GMDS: variants seen among roughly 807,000 people sequenced by gnomAD.
The protein encoded by GMDS is GDP-mannose 4,6 dehydratase.
In GMDS, 20 loss-of-function variants were observed where a neutral mutation model predicts 49.9. That is an observed-to-expected ratio of 0.40 (90% CI 0.28 to 0.58). GMDS has a LOEUF of 0.58. Ranked by LOEUF, GMDS falls within the 20% of genes least tolerant of loss-of-function variation. The probability of loss-of-function intolerance (pLI) is 0.42; values close to 1 mark genes in which losing one functional copy is unlikely to be tolerated. For missense variants in GMDS, 362 were observed against 481.4 expected (o/e 0.75, Z 2.32); for synonymous variants, 177 against 178.6 (o/e 0.99, Z 0.07).
At chr6:2,223,742 G>A (rs926773708) in intron 1 of GMDS, among the ~76,000 whole-genome samples, 5 of 152,184 alleles carry the variant, frequency 3.3e-5, no homozygotes, top group African/African-American at 7.2e-5. Context: ...AGAGATGATA[G>A]AAGGGAGGGA....
intron 7 of GMDS, among the ~76,000 whole-genome samples, chr6:1,921,528 G>A (rs1446195856): frequency 6.6e-6 from 1 of 152,110 alleles, no homozygotes; most frequent in Non-Finnish European, 1.5e-5. Flanking sequence ...AAAGTTTACT[G>A]CACAGGATGA....
intron 9 of GMDS, among the ~76,000 whole-genome samples, chr6:1,709,859 A>G (rs898520831): frequency 6.6e-6 from 1 of 152,248 alleles, no homozygotes; most frequent in African/African-American, 2.4e-5. Flanking sequence ...CTCAACAAAT[A>G]CAGTCCTTTG....
chr6:2,215,635 G>A (rs886425814), intron 1 of GMDS, among the ~76,000 whole-genome samples: 1 of 151,912 alleles, frequency 6.6e-6, no homozygotes, highest in African/African-American at 2.4e-5. Flanking sequence ...TAGAGAGGGA[G>A]AAGAGAGAAA....
At position 1,778,987 on chromosome 6, in the gene GMDS, G is replaced by A. The variant is rs896076168; in HGVS notation, c.772-36401C>T. ...CCCATCATCTCGCAGTGCTGGCGTG[G>A]CCTCCCATGCTGATCCCTGGACCAG... On this transcript the variant is annotated intron_variant, in intron 7 of 10. Transcript: ENST00000380815. This position sits in a 1 kb window ranked among gnomAD's most constrained non-coding sequence, Gnocchi z 4.6. 1.3e-5 allele frequency among the ~76,000 whole-genome samples: 2 copies of A among 152,142 alleles called. No individual in the cohort carries two copies. The highest frequency in any genetic ancestry group is 1.9e-4 in the East Asian group (1 of 5,200).
At chr6:2,025,809 A>C (rs149277195) in intron 4 of GMDS, among the ~76,000 whole-genome samples, 31 of 152,290 alleles carry the variant, frequency 2.0e-4, no homozygotes, top group African/African-American at 7.5e-4. Flanking sequence ...AAAGAGGGCA[A>C]GTTCTTTCTT....
intron 1 of GMDS, among the ~76,000 whole-genome samples, chr6:2,163,415 G>C (rs1022253832): frequency 2.1e-5 from 3 of 145,494 alleles, no homozygotes; most frequent in African/African-American, 8.3e-5. Flanking sequence ...ACATGTGTGT[G>C]TCTATGTGTG....
intron 4 of GMDS, among the ~76,000 whole-genome samples, chr6:1,994,987 T>C (rs1766187686): frequency 1.3e-5 from 2 of 152,162 alleles, no homozygotes; most frequent in African/African-American, 4.8e-5. Context: ...ATAAAGCATG[T>C]ATGATTGGAT....
intron 1 of GMDS, among the ~76,000 whole-genome samples, chr6:2,242,959 C>G (rs1781684797): frequency 6.6e-6 from 1 of 152,232 alleles, no homozygotes; most frequent in Admixed American, 6.5e-5. Flanking sequence ...TTGGGAGTCA[C>G]TGTCCTGGAA....
At chr6:2,041,887 G>C (rs778994277) in intron 4 of GMDS, among the ~76,000 whole-genome samples, 14 of 152,210 alleles carry the variant, frequency 9.2e-5, no homozygotes, top group Non-Finnish European at 2.1e-4. Flanking sequence ...TTAAAAAGAA[G>C]ATATGTGTCC....
intron 7 of GMDS, among the ~76,000 whole-genome samples, chr6:1,784,937 T>C (rs1418942829): frequency 6.6e-6 from 1 of 152,236 alleles, no homozygotes. Context: ...TGAACATTAC[T>C]ATTCATAAAA....
chr6:1,792,100 T>C (rs188916610), intron 7 of GMDS, among the ~76,000 whole-genome samples: 27 of 152,330 alleles, frequency 1.8e-4, no homozygotes, highest in African/African-American at 6.3e-4. Flanking sequence ...TAATTACTTC[T>C]CAATTTTTGG....
In GMDS at chr6:2,130,840, T is replaced by C. The variant is rs570455734; in HGVS notation, c.103-6109A>G. Among the ~76,000 whole-genome samples the C allele has an allele frequency of 5.9e-5, 9 of 152,230 alleles. No homozygotes were observed. The South Asian group carries it at 1.9e-3, about 32-fold the overall frequency. On this transcript the variant is annotated intron_variant, in intron 1 of 10. Coordinates refer to ENST00000380815, the MANE Select transcript of GMDS (RefSeq NM_001500.4). Reference sequence around the variant, plus strand: ...ATTTAAAAAAAAATACTTTCCCCAATGTGATAGGTTTTTAAAAAATGGTAC... The same window carrying C: ...ATTTAAAAAAAAATACTTTCCCCAACGTGATAGGTTTTTAAAAAATGGTAC...
chr6:1,834,030 T>C (rs1756805471), intron 7 of GMDS, among the ~76,000 whole-genome samples: 1 of 152,060 alleles, frequency 6.6e-6, no homozygotes, highest in Non-Finnish European at 1.5e-5. Context: ...CTGGTTAAAA[T>C]TTACAAAAAA....
rs115442807 is a variant in GMDS, at chr6:2,149,781, G to T, written c.103-25050C>A. ...TATTTGCTCGTCCCCAGAACCCAAC[G>T]GTGACTATATTTAACTGACTTTACA... On this transcript the variant is annotated intron_variant, in intron 1 of 10. Coordinates refer to ENST00000380815, the MANE Select transcript of GMDS (RefSeq NM_001500.4). Among the ~76,000 whole-genome samples, 864 of 152,192 alleles carry T rather than the reference G, an allele frequency of 5.7e-3. 2 individuals are homozygous for T. Among genetic ancestry groups the T allele is most frequent in the Middle Eastern group, 0.017 (5 of 294 alleles).
Position 1,829,317 on chromosome 6 carries a change from G to A in GMDS, c.772-86731C>T, listed in dbSNP as rs190820689. Among the ~76,000 whole-genome samples, 21 of 152,268 alleles carry A rather than the reference G, an allele frequency of 1.4e-4. No individual in the cohort carries two copies. In the East Asian group the frequency reaches 3.5e-3, roughly 25 times the overall value. On this transcript the variant is annotated intron_variant, in intron 7 of 10. Coordinates refer to ENST00000380815, the MANE Select transcript of GMDS (RefSeq NM_001500.4). Reference sequence around the variant, plus strand: ...CGTGTGTGTATCTATGTATGTGAACGTGTGCGTATGTGTATATAATTTTAA... The same window carrying A: ...CGTGTGTGTATCTATGTATGTGAACATGTGCGTATGTGTATATAATTTTAA...
chr6:2,150,986 C>A (rs190561244), intron 1 of GMDS, among the ~76,000 whole-genome samples: 13 of 152,158 alleles, frequency 8.5e-5, no homozygotes, highest in African/African-American at 3.1e-4. Context: ...GAACTATTAG[C>A]GATATCCCTA....
intron 7 of GMDS, among the ~76,000 whole-genome samples, chr6:1,811,496 G>GT (rs1245817943): frequency 6.8e-6 from 1 of 146,206 alleles, no homozygotes; most frequent in Non-Finnish European, 1.5e-5. Context: ...TCATTTTATT[G>GT]TATCTTTAAG....
intron 4 of GMDS, among the ~76,000 whole-genome samples, chr6:2,095,208 A>G (rs1294311891): frequency 6.6e-6 from 1 of 152,190 alleles, no homozygotes; most frequent in Non-Finnish European, 1.5e-5. Flanking sequence ...ACACCTGATC[A>G]TCACTGTTAA....
chr6:2,059,581 G>A (rs936756851), intron 4 of GMDS, among the ~76,000 whole-genome samples: 7 of 146,948 alleles, frequency 4.8e-5, no homozygotes, highest in Non-Finnish European at 3.0e-5. Context: ...GGTAGCGGGC[G>A]CCTGTAGTCC....
Sources: allele counts gnomAD v4.1 joint callset (sites outside exome capture counted in the v4.1 genomes callset), GRCh38; gene constraint gnomAD v4.1.1; non-coding constraint Gnocchi (gnomAD v3.1); transcripts MANE v1.5; gene names NCBI Gene and HGNC (gene_info 2026-07-23, HGNC 2026-07-21).